The following KHDRBS2 variants were observed in gnomAD, a reference collection of about 807,000 sequenced individuals.
KHDRBS2 encodes KH domain-containing, RNA-binding, signal transduction-associated protein 2.
In KHDRBS2, 26 loss-of-function variants were observed where a neutral mutation model predicts 44.3. That is an observed-to-expected ratio of 0.59 (90% confidence interval 0.43 to 0.81). KHDRBS2 has a LOEUF of 0.81. Ranked by LOEUF, KHDRBS2 falls within the 40% of genes least tolerant of loss-of-function variation. KHDRBS2 has a pLI of 0.00. For synonymous variants in KHDRBS2, 194 were observed against 151.1 expected (o/e 1.28, Z -2.08); for missense variants, 476 against 433.1 (o/e 1.10, Z -0.88).
chr6:62,199,325 A>T (rs1315028008), intron 1 of KHDRBS2, among the ~76,000 whole-genome samples: 1 of 152,200 alleles, frequency 6.6e-6, no homozygotes, highest in Non-Finnish European at 1.5e-5. Context: ...ACATGATTGT[A>T]TATCTAGAAA....
At chr6:62,269,654 A>T (rs1271510196) in intron 1 of KHDRBS2, among the ~76,000 whole-genome samples, 2 of 152,140 alleles carry the variant, frequency 1.3e-5, no homozygotes, top group Non-Finnish European at 2.9e-5. Flanking sequence ...AGATAGTATA[A>T]GCATTCTAGA....
the KHDRBS2 span, among the ~76,000 whole-genome samples, chr6:61,662,584 G>A: frequency 2.6e-5 from 4 of 152,098 alleles, no homozygotes; most frequent in African/African-American, 9.7e-5. Flanking sequence ...CAACAAGTGG[G>A]TGAAGGATAT....
At chr6:62,069,084 C>T (rs1794407801) in intron 2 of KHDRBS2, among the ~76,000 whole-genome samples, 1 of 151,446 alleles carries the variant, frequency 6.6e-6, no homozygotes, top group Non-Finnish European at 1.5e-5. Context: ...ATAGAGTTGA[C>T]CCTTGAACAA....
At chr6:61,615,233 C>CAAAAAAAAAAAAAAAAAAAAA in the KHDRBS2 span, among the ~76,000 whole-genome samples, 26 of 58,566 alleles carry the variant, frequency 4.4e-4, no homozygotes, top group South Asian at 8.3e-4. Context: ...ACTCCATCTC[C>CAAAAAAAAAAAAAAAAAAAAA]AAAAAAAAAA....
At chr6:61,649,018 A>G in the KHDRBS2 span, among the ~76,000 whole-genome samples, 2 of 152,088 alleles carry the variant, frequency 1.3e-5, no homozygotes, top group East Asian at 1.9e-4. Flanking sequence ...ATCAAGGGGA[A>G]AAAAATAAAG....
intron 1 of KHDRBS2, among the ~76,000 whole-genome samples, chr6:62,179,373 G>A (rs1423223028): frequency 6.6e-6 from 1 of 151,562 alleles, no homozygotes; most frequent in Admixed American, 6.6e-5. Flanking sequence ...ATTCTACATG[G>A]AAGTATTAAC....
At chr6:62,213,716 T>C (rs1178137426) in intron 1 of KHDRBS2, among the ~76,000 whole-genome samples, 1 of 151,160 alleles carries the variant, frequency 6.6e-6, no homozygotes, top group Non-Finnish European at 1.5e-5. Flanking sequence ...CTACTAAAAA[T>C]GCAAAAAATT....
intron 4 of KHDRBS2, among the ~76,000 whole-genome samples, chr6:61,972,707 T>C (rs183660338): frequency 1.1e-3 from 165 of 152,318 alleles, no homozygotes; most frequent in Non-Finnish European, 1.6e-3. Flanking sequence ...AGGATATTAT[T>C]GCTATAAATG....
At chr6:61,954,372 T>TGTATGCATGCATACATATATACGC (rs1562509376) in intron 4 of KHDRBS2, among the ~76,000 whole-genome samples, 20 of 81,666 alleles carry the variant, frequency 2.4e-4, no homozygotes, top group African/African-American at 6.8e-4. Context: ...CATATATACG[T>TGTATGCATGCATACATATATACGC]ATGTATGCAT....
chr6:61,623,486 A>T, the KHDRBS2 span, among the ~76,000 whole-genome samples: 2 of 152,154 alleles, frequency 1.3e-5, no homozygotes, highest in Non-Finnish European at 2.9e-5. Context: ...CCTGATAGAG[A>T]CATACTGTTG....
At chr6:62,182,472 C>A (rs1822525165) in intron 1 of KHDRBS2, among the ~76,000 whole-genome samples, 1 of 149,926 alleles carries the variant, frequency 6.7e-6, no homozygotes. Flanking sequence ...AGTGTTTTAC[C>A]ACAAAAATAA....
chr6:61,712,573 T>C (rs1397219743), intron 7 of KHDRBS2, among the ~76,000 whole-genome samples: 1 of 151,902 alleles, frequency 6.6e-6, no homozygotes, highest in African/African-American at 2.4e-5. Flanking sequence ...TCTTTGGAAC[T>C]GGACAGAAAC....
the KHDRBS2 span, among the ~76,000 whole-genome samples, chr6:61,575,990 C>T: frequency 6.6e-6 from 1 of 152,056 alleles, no homozygotes; most frequent in African/African-American, 2.4e-5. Context: ...AAATACTACA[C>T]ATTAGGTACC....
the KHDRBS2 span, among the ~76,000 whole-genome samples, chr6:61,596,978 T>G: frequency 2.6e-5 from 4 of 152,134 alleles, no homozygotes; most frequent in African/African-American, 9.7e-5. Context: ...GGATGACTCT[T>G]AGGTGAAACA....
chr6:62,053,245 T>C (rs1167326542), intron 2 of KHDRBS2, among the ~76,000 whole-genome samples: 3 of 151,630 alleles, frequency 2.0e-5, no homozygotes, highest in African/African-American at 7.3e-5. Flanking sequence ...TTCCAATCTA[T>C]GCACCAGAGA....
chr6:61,543,491 A>C, the KHDRBS2 span, among the ~76,000 whole-genome samples: 1 of 151,968 alleles, frequency 6.6e-6, no homozygotes, highest in African/African-American at 2.4e-5. Flanking sequence ...TCATACACTA[A>C]TTGACTAAAT....
chr6:61,954,876 G>GTA (rs1554290747), intron 4 of KHDRBS2, among the ~76,000 whole-genome samples: 2 of 28,220 alleles, frequency 7.1e-5, no homozygotes, highest in Non-Finnish European at 1.6e-4. Flanking sequence ...ATACATATGT[G>GTA]TATATATGTA....
At chr6:62,226,625 T>C (rs1831880367) in intron 1 of KHDRBS2, among the ~76,000 whole-genome samples, 1 of 152,158 alleles carries the variant, frequency 6.6e-6, no homozygotes, top group East Asian at 1.9e-4. Flanking sequence ...TACGTCTCAA[T>C]GATACTGCTT....
chr6:61,548,672 T>C, the KHDRBS2 span, among the ~76,000 whole-genome samples: 2 of 152,016 alleles, frequency 1.3e-5, no homozygotes, highest in Admixed American at 6.6e-5. Context: ...ACACTGAGGG[T>C]CCAAATGGGT....
Sources: gnomAD v4.1 joint callset for allele counts (sites outside exome capture counted in the v4.1 genomes callset) on GRCh38, gnomAD v4.1.1 for gene constraint, MANE v1.5 for transcripts, NCBI Gene and HGNC (gene_info 2026-07-23, HGNC 2026-07-21) for gene names.